The following TAX1BP1 variants were observed in gnomAD, a reference collection of about 807,000 sequenced individuals.
TAX1BP1 encodes Tax1 binding protein 1.
In TAX1BP1, 62 loss-of-function variants were observed where a neutral mutation model predicts 97.7. The ratio of observed to expected loss-of-function variants is 0.63; its 90% CI spans 0.52 to 0.78. The LOEUF is 0.78. TAX1BP1 is among the 30% of genes least tolerant of loss of function. The pLI, the probability that TAX1BP1 is intolerant of heterozygous loss-of-function variation, is 0.00. For synonymous variants in TAX1BP1, 340 were observed against 304.2 expected, an observed-to-expected ratio of 1.12 and a Z score of -1.23; for missense variants, 867 against 916.1, an observed-to-expected ratio of 0.95 and a Z score of 0.69.
chr7:27,798,144 G>T (rs1790004153), intron 12 of TAX1BP1, among the ~76,000 whole-genome samples: 3 of 151,980 alleles, frequency 2.0e-5, no homozygotes, highest in Admixed American at 6.6e-5. Flanking sequence ...ATGATTATTT[G>T]AGATTTATTC....
Position 27,748,598 on chromosome 7 carries a change from G to T in TAX1BP1, c.74G>T (p.Ser25Ile). The change falls in exon 2 of 17, where the codon AGT (serine) becomes ATT (isoleucine). Residue 25 changes from serine to isoleucine, a missense_variant. By Grantham distance (142) the Ser-to-Ile change is moderately radical (BLOSUM62 -2). Coordinates refer to ENST00000396319, the MANE Select transcript of TAX1BP1 (RefSeq NM_006024.7). ...GTCATCTTTCAAAATGTGGCCAAGA[G>T]TTACCTTCCTAATGCACACCTGGAA... The part of the protein sequence containing the change: ...AHVIFQNVAK[S>I]YLPNAHLECH... The T allele has an allele frequency of 6.2e-7, 1 of 1,606,456 alleles. No individual in the cohort carries two copies. The highest frequency in any genetic ancestry group is 8.5e-7 in the Non-Finnish European group (1 of 1,175,726).
chr7:27,799,985 TA>T lies in TAX1BP1; in HGVS notation c.1662del (p.Lys554AsnfsTer11), dbSNP rs1790070787. The T allele has an allele frequency of 6.3e-7, 1 of 1,597,376 alleles. No homozygotes were observed. Among genetic ancestry groups the T allele is most frequent in the East Asian group, 2.3e-5 (1 of 44,270 alleles). On this transcript the variant is annotated frameshift_variant, in exon 13 of 17. Transcript: ENST00000396319. LOFTEE classifies it high-confidence loss of function. ...TTTAGGATGAGAAAGCAAAATGCAA[TA>T]AATATGCTGATGAACTTGCAAAAAT... ...LLQDEKAKCN[K>X]YADELAKMEL...
At chr7:27,786,742 A>G (rs1789499974) in intron 7 of TAX1BP1, among the ~76,000 whole-genome samples, 1 of 152,194 alleles carries the variant, frequency 6.6e-6, no homozygotes, top group South Asian at 2.1e-4. Context: ...AGCATTCTGT[A>G]TATTTAAAGA....
Position 27,769,848 on chromosome 7 carries a change from T to A in TAX1BP1, c.612+14T>A, listed in dbSNP as rs1225886539. ...GCAGAACAAAAGGTTAGTTGTGTCT[T>A]ATGTAACTGATTGAAGTTGATAGTA... On this transcript the variant is annotated intron_variant, in intron 5 of 16. Coordinates refer to ENST00000396319, the MANE Select transcript of TAX1BP1 (RefSeq NM_006024.7). 1 of 1,610,202 alleles carries A rather than the reference T, an allele frequency of 6.2e-7. No individual in the cohort carries two copies. Among genetic ancestry groups the A allele is most frequent in the East Asian group, 2.2e-5 (1 of 44,730 alleles).
At chr7:27,762,431 C>T (rs1476607017) in intron 3 of TAX1BP1, among the ~76,000 whole-genome samples, 1 of 151,926 alleles carries the variant, frequency 6.6e-6, no homozygotes, top group Non-Finnish European at 1.5e-5. Context: ...AGTGGTGACT[C>T]ACACCTGTAA....
Position 27,766,240 on chromosome 7 carries a change from G to A in TAX1BP1, c.453+219G>A, listed in dbSNP as rs544733143. Among the ~76,000 whole-genome samples the A allele has an allele frequency of 3.3e-5, 5 of 152,032 alleles. No individual in the cohort carries two copies. The South Asian group carries it at 1.0e-3, about 32-fold the overall frequency. ...TCGAGACCATCCTGGCTAACACGGT[G>A]TAACTCTGTCTCTACTAAGAATACA... On this transcript the variant is annotated intron_variant, in intron 4 of 16. Transcript: ENST00000396319.
upstream of TAX1BP1, chr7:27,739,599 G>A (rs1279511863): frequency 6.6e-6 from 1 of 152,180 alleles, no homozygotes; most frequent in Non-Finnish European, 1.5e-5. Flanking sequence ...TGGAGCGAGA[G>A]CAAATAGAAT....
intron 1 of TAX1BP1, among the ~76,000 whole-genome samples, chr7:27,743,637 A>G (rs1289259490): frequency 1.3e-5 from 2 of 152,248 alleles, no homozygotes; most frequent in Non-Finnish European, 2.9e-5. Flanking sequence ...AGGAGAATGA[A>G]CAGTAAAATG....
intron 12 of TAX1BP1, 105 bp downstream of exon 12, chr7:27,796,324 C>G: frequency 1.0e-6 from 1 of 959,500 alleles, no homozygotes; most frequent in Non-Finnish European, 1.5e-6. Flanking sequence ...TTTTCCATCT[C>G]CATATAGTGT....
At chr7:27,792,502 A>G (rs1338939418) in intron 9 of TAX1BP1, among the ~76,000 whole-genome samples, 21 of 152,124 alleles carry the variant, frequency 1.4e-4, no homozygotes, top group Admixed American at 1.4e-3. Context: ...TTTGTTTGGA[A>G]TTTCTTACTA....
At chr7:27,824,549 CAAAAAAAAAAAA>C (rs34757943) in intron 15 of TAX1BP1, among the ~76,000 whole-genome samples, 1 of 91,632 alleles carries the variant, frequency 1.1e-5, no homozygotes, top group Admixed American at 1.4e-4. Flanking sequence ...GACCTTGTCT[CAAAAAAAAAAAA>C]AAAAAAAAAA....
chr7:27,794,402 C>T lies in TAX1BP1; in HGVS notation c.1490C>T (p.Ala497Val), dbSNP rs1247437277. Residue 497 changes from alanine (A) to valine (V), a missense_variant, in exon 11 of 17, where the codon GCC (alanine) becomes GTC (valine). Physicochemically the swap from Ala to Val is moderately conservative, Grantham distance 64. Transcript: ENST00000396319. ...GATGCTTCAGTAAACACAGACCCAG[C>T]CACTTCTGCCTCTACTGTAGATGTA... ...VNDASVNTDP[A>V]TSASTVDVKP... is the part of the protein sequence containing the mutation. 5.0e-6 allele frequency: 8 copies of T among 1,612,632 alleles called. No individual in the cohort carries two copies. The Admixed American group carries it at 6.7e-5, about 13-fold the overall frequency.
At chr7:27,826,201 A>C (rs1791172553) in intron 15 of TAX1BP1, among the ~76,000 whole-genome samples, 1 of 152,160 alleles carries the variant, frequency 6.6e-6, no homozygotes, top group African/African-American at 2.4e-5. Flanking sequence ...TACTTGATTG[A>C]ATTTTTGAAG....
chr7:27,756,788 G>A (rs148996763), intron 2 of TAX1BP1, among the ~76,000 whole-genome samples: 1 of 152,166 alleles, frequency 6.6e-6, no homozygotes, highest in African/African-American at 2.4e-5. Context: ...GCTCAAACAG[G>A]TGAGGTAAAT....
intron 13 of TAX1BP1, among the ~76,000 whole-genome samples, chr7:27,809,109 A>T (rs1418027253): frequency 6.6e-6 from 1 of 152,210 alleles, no homozygotes; most frequent in Admixed American, 6.5e-5. Flanking sequence ...GTTAAATAAG[A>T]TTTAATAGCA....
At position 27,816,390 on chromosome 7, in the gene TAX1BP1, G is replaced by C; in HGVS notation, c.1806G>C (p.Met602Ile). The change falls in exon 14 of 17, where the codon ATG (methionine) becomes ATC (isoleucine). Residue 602 changes from methionine (M) to isoleucine (I), a missense_variant. Met to Ile is a conservative substitution (Grantham distance 10, BLOSUM62 1). Around this residue, in one of 3 missense-constraint regions of TAX1BP1, gnomAD observed 822 missense variants for 851.4 expected, o/e 0.97. Transcript: ENST00000396319. The part of the protein sequence containing the change: ...RSLENPAERK[M>I]EGQNSQSPQC... ...TAGAAAATCCAGCAGAAAGGAAAAT[G>C]GAAGGTCAGAATTCCCAGAGTCCTC... 6.3e-7 allele frequency: 1 copy of C among 1,584,452 alleles called. No homozygotes were observed. Among genetic ancestry groups the C allele is most frequent in the Non-Finnish European group, 8.5e-7 (1 of 1,171,818 alleles).
At position 27,794,438 on chromosome 7, in the gene TAX1BP1, C is replaced by A; in HGVS notation, c.1526C>A (p.Pro509His). Residue 509 changes from proline to histidine, a missense_variant, in exon 11 of 17, where the codon CCT (proline) becomes CAT (histidine). By Grantham distance (77) the Pro-to-His change is moderately conservative. This residue lies in a region of TAX1BP1 where 822 missense variants were observed against 851.4 expected (regional missense o/e 0.97). Transcript: ENST00000396319. ...SASTVDVKPS[P>H]SAAEADFDIV... ...TCTACTGTAGATGTAAAGCCATCACCTTCTGCAGGTAAAAATCTTTTAGAC... is the reference window on the plus strand; with the variant it reads ...TCTACTGTAGATGTAAAGCCATCACATTCTGCAGGTAAAAATCTTTTAGAC... The A allele has an allele frequency of 6.2e-7, 1 of 1,603,690 alleles. No homozygotes were observed. The highest frequency in any genetic ancestry group is 2.2e-5 in the East Asian group (1 of 44,642).
At chr7:27,812,305 G>C (rs898912156) in intron 13 of TAX1BP1, among the ~76,000 whole-genome samples, 1 of 152,130 alleles carries the variant, frequency 6.6e-6, no homozygotes, top group Non-Finnish European at 1.5e-5. Flanking sequence ...ATTCCTTTGT[G>C]AAGTTTCTGT....
chr7:27,751,907 C>T lies in TAX1BP1; in HGVS notation c.162+3221C>T, dbSNP rs376447642. Among the ~76,000 whole-genome samples the T allele has an allele frequency of 2.6e-5, 4 of 152,236 alleles. No homozygotes were observed. The South Asian group carries it at 6.2e-4, about 24-fold the overall frequency. On this transcript the variant is annotated intron_variant, in intron 2 of 16. Coordinates refer to ENST00000396319, the MANE Select transcript of TAX1BP1 (RefSeq NM_006024.7). ...GGCTCAAGCGATCCACCCGCCTCAG[C>T]CTAAATAAGTGCTGGGATTGCAGGC...
Sources: allele counts gnomAD v4.1 joint callset (sites outside exome capture counted in the v4.1 genomes callset), GRCh38; gene constraint gnomAD v4.1.1; regional missense constraint gnomAD v4.1.1; transcripts MANE v1.5; gene names NCBI Gene and HGNC (gene_info 2026-07-23, HGNC 2026-07-21).